PTPRD: variants seen among roughly 807,000 people sequenced by gnomAD.
PTPRD encodes the protein protein tyrosine phosphatase receptor type D.
A neutral mutation model predicts 214.5 loss-of-function variants in PTPRD; 34 were observed. The ratio of observed to expected loss-of-function variants is 0.16; its 90% CI spans 0.12 to 0.21. PTPRD has a LOEUF of 0.21. Ranked by LOEUF, PTPRD falls within the 10% of genes least tolerant of loss-of-function variation. The probability of loss-of-function intolerance (pLI) is 1.00; values close to 1 mark genes in which losing one functional copy is unlikely to be tolerated. For synonymous variants in PTPRD, 1,128 were observed against 845.7 expected, an observed-to-expected ratio of 1.33 and a Z score of -5.79; for missense variants, 2,545 against 2,398.7, an observed-to-expected ratio of 1.06 and a Z score of -1.27.
chr9:10,078,514 T>TAA (rs71485315), intron 3 of PTPRD, among the ~76,000 whole-genome samples: 5 of 78,772 alleles, frequency 6.3e-5, no homozygotes, highest in Admixed American at 3.1e-4. Context: ...AGACTCCATC[T>TAA]AAAAAAAAAA....
At chr9:9,193,533 C>G (rs1253804956) in intron 9 of PTPRD, among the ~76,000 whole-genome samples, 1 of 152,138 alleles carries the variant, frequency 6.6e-6, no homozygotes, top group Non-Finnish European at 1.5e-5. Context: ...CTACTACAAA[C>G]CTAGGCTACA....
At position 9,181,287 on chromosome 9, in the gene PTPRD, T is replaced by C. The variant is rs73641229; in HGVS notation, c.-143+2017A>G. 1.7e-3 allele frequency among the ~76,000 whole-genome samples: 257 copies of C among 152,134 alleles called. 2 individuals are homozygous for C. Among genetic ancestry groups the C allele is most frequent in the African/African-American group, 5.5e-3 (229 of 41,534 alleles). On this transcript the variant is annotated intron_variant, in intron 10 of 45. Coordinates refer to ENST00000381196, the MANE Select transcript of PTPRD (RefSeq NM_002839.4). Reference sequence around the variant, plus strand: ...GATTATGGTATCTTGTTTTCGTTTTTATTCACTTTGAAAATACAGTTAGAA... The same window carrying C: ...GATTATGGTATCTTGTTTTCGTTTTCATTCACTTTGAAAATACAGTTAGAA...
At chr9:10,560,577 A>T (rs1017577335) in intron 2 of PTPRD, among the ~76,000 whole-genome samples, 20 of 152,218 alleles carry the variant, frequency 1.3e-4, no homozygotes, top group African/African-American at 3.6e-4. Flanking sequence ...CAATAAAAAA[A>T]TAAACAAAAA....
intron 3 of PTPRD, among the ~76,000 whole-genome samples, chr9:10,279,138 T>C (rs980557258): frequency 6.6e-6 from 1 of 152,072 alleles, no homozygotes; most frequent in Non-Finnish European, 1.5e-5. Flanking sequence ...GGATAATCAA[T>C]CATAATTCTT....
At chr9:9,802,768 C>G (rs1020688016) in intron 5 of PTPRD, among the ~76,000 whole-genome samples, 1 of 151,812 alleles carries the variant, frequency 6.6e-6, no homozygotes. Flanking sequence ...CATATATTAT[C>G]TGAGGACTTC....
intron 11 of PTPRD, among the ~76,000 whole-genome samples, chr9:8,786,633 T>G (rs2095988228): frequency 6.6e-6 from 1 of 151,490 alleles, no homozygotes; most frequent in Non-Finnish European, 1.5e-5. Flanking sequence ...GAGGCTGGTC[T>G]GGAACTCCTA....
intron 9 of PTPRD, among the ~76,000 whole-genome samples, chr9:9,376,076 A>G (rs2060715975): frequency 2.5e-5 from 3 of 119,964 alleles, no homozygotes; most frequent in African/African-American, 3.9e-5. Flanking sequence ...CTTGCTCATC[A>G]TTATTATTTA....
In PTPRD at chr9:9,586,846, C is replaced by T. The variant is rs527283999; in HGVS notation, c.-286-12065G>A. Among the ~76,000 whole-genome samples, 60 of 152,052 alleles carry T rather than the reference C, an allele frequency of 3.9e-4. 1 individual carries two copies. The South Asian group carries it at 0.012, about 32-fold the overall frequency. ...AATCTCTGATTTTATTAGTATATCA[C>T]ATTTATTCCATTTTATCAGTGTTTG... is the stretch of plus-strand genomic sequence containing the variant. On this transcript the variant is annotated intron_variant, in intron 7 of 45. Transcript: ENST00000381196.
chr9:9,822,747 AT>A (rs1322820088), intron 5 of PTPRD, among the ~76,000 whole-genome samples: 1 of 152,024 alleles, frequency 6.6e-6, no homozygotes, highest in African/African-American at 2.4e-5. Context: ...GAAAGCTAAA[AT>A]GCTCCAAAAT....
At chr9:10,181,281 A>G (rs1162937317) in intron 3 of PTPRD, among the ~76,000 whole-genome samples, 2 of 152,126 alleles carry the variant, frequency 1.3e-5, no homozygotes, top group African/African-American at 4.8e-5. Context: ...AAGAGAAACT[A>G]CAACAAAGCT....
At position 8,950,615 on chromosome 9, in the gene PTPRD, C is replaced by G. The variant is rs1417134709; in HGVS notation, c.-104+68082G>C. Among the ~76,000 whole-genome samples, 3 of 151,874 alleles carry G rather than the reference C, an allele frequency of 2.0e-5. No homozygotes were observed. The East Asian group carries it at 5.8e-4, about 29-fold the overall frequency. On this transcript the variant is annotated intron_variant, in intron 11 of 45. Transcript: ENST00000381196. ...ACATTGTATACAATAATATATAGGA[C>G]TCTGTATATAATGGAGCAAGTATCC... is the stretch of plus-strand genomic sequence containing the variant.
intron 8 of PTPRD, among the ~76,000 whole-genome samples, chr9:9,496,859 T>G (rs1470013904): frequency 6.6e-6 from 1 of 152,182 alleles, no homozygotes; most frequent in Non-Finnish European, 1.5e-5. Flanking sequence ...CAAGTGTCCA[T>G]TGACGAATGA....
chr9:9,832,124 A>G lies in PTPRD; in HGVS notation c.-367-65273T>C, dbSNP rs563128502. ...ACTTGCCTATAATCTTGAAAAATGC[A>G]TAAGTGAGCCAAGCTGGTGTTGTGA... On this transcript the variant is annotated intron_variant, in intron 5 of 45. Coordinates refer to ENST00000381196, the MANE Select transcript of PTPRD (RefSeq NM_002839.4). Among the ~76,000 whole-genome samples, 5 of 152,160 alleles carry G rather than the reference A, an allele frequency of 3.3e-5. No homozygotes were observed. The South Asian group carries it at 6.2e-4, about 19-fold the overall frequency.
At chr9:8,444,890 T>G (rs1243637202) in intron 34 of PTPRD, among the ~76,000 whole-genome samples, 1 of 152,146 alleles carries the variant, frequency 6.6e-6, no homozygotes, top group Non-Finnish European at 1.5e-5. Context: ...ACATATCTAT[T>G]CACCCATCCT....
chr9:9,142,568 G>T (rs566031700), intron 10 of PTPRD, among the ~76,000 whole-genome samples: 10 of 152,100 alleles, frequency 6.6e-5, no homozygotes, highest in Non-Finnish European at 1.5e-4. Context: ...ATTGCCTGTT[G>T]TATTTTAATA....
chr9:10,160,159 A>C (rs981032204), intron 3 of PTPRD, among the ~76,000 whole-genome samples: 12 of 152,032 alleles, frequency 7.9e-5, no homozygotes, highest in African/African-American at 2.9e-4. Flanking sequence ...ATTCCATACA[A>C]CTGGAAACCA....
intron 3 of PTPRD, among the ~76,000 whole-genome samples, chr9:10,140,069 G>T (rs2098972493): frequency 1.3e-5 from 2 of 151,946 alleles, no homozygotes; most frequent in South Asian, 4.2e-4. Context: ...CTTCTTCTCA[G>T]CAAGAGAGTT....
chr9:9,441,352 AG>A (rs2087679979), intron 8 of PTPRD, among the ~76,000 whole-genome samples: 1 of 152,224 alleles, frequency 6.6e-6, no homozygotes, highest in Non-Finnish European at 1.5e-5. Context: ...AAAGATGAAT[AG>A]GAAGAAGACA....
intron 3 of PTPRD, among the ~76,000 whole-genome samples, chr9:10,152,211 T>C (rs1431089701): frequency 1.3e-5 from 2 of 152,236 alleles, no homozygotes; most frequent in Non-Finnish European, 2.9e-5. Context: ...TTAAAAGTTT[T>C]AGTCGTTCTA....
Sources: allele counts gnomAD v4.1 joint callset (sites outside exome capture counted in the v4.1 genomes callset), GRCh38; gene constraint gnomAD v4.1.1; transcripts MANE v1.5; gene names NCBI Gene and HGNC (gene_info 2026-07-23, HGNC 2026-07-21).